The following OSBPL7 variants were observed in gnomAD, a reference collection of about 807,000 sequenced individuals.
OSBPL7 encodes oxysterol-binding protein-related protein 7.
In OSBPL7, 66 loss-of-function variants were observed where a neutral mutation model predicts 115.8. That is an observed-to-expected ratio of 0.57 (90% confidence interval 0.47 to 0.70). The LOEUF is 0.70. OSBPL7 is among the 30% of genes least tolerant of loss of function. The pLI, the probability that OSBPL7 is intolerant of heterozygous loss-of-function variation, is 0.00. For missense variants in OSBPL7, 902 were observed against 1,125.5 expected (o/e 0.80, Z 2.84); for synonymous variants, 441 against 439.2 (o/e 1.00, Z -0.05).
chr17:47,813,729 T>C lies in OSBPL7; in HGVS notation c.1457A>G (p.Asn486Ser). 6.2e-7 allele frequency: 1 copy of C among 1,613,472 alleles called. No individual in the cohort carries two copies. The highest frequency in any genetic ancestry group is 8.5e-7 in the Non-Finnish European group (1 of 1,179,988). The stretch of plus-strand genomic sequence containing the variant: ...CACCTTGGACAGGTCTTTGCCGATG[T>C]TGTTGCGCAGAATGTTCCACAGGCT... ...DVSLWNILRN[N>S]IGKDLSKVSM... The change falls in exon 15 of 23, where the codon AAC becomes AGC. Residue 486 changes from asparagine (N) to serine (S), a missense_variant. Physicochemically the swap from Asn to Ser is conservative, Grantham distance 46. Around this residue, in one of 3 missense-constraint regions of OSBPL7, gnomAD observed 667 missense variants for 788.7 expected, o/e 0.85. Transcript: ENST00000007414.
chr17:47,809,742 C>T (rs2032977203), intron 18 of OSBPL7, among the ~76,000 whole-genome samples: 1 of 152,198 alleles, frequency 6.6e-6, no homozygotes, highest in South Asian at 2.1e-4. Context: ...TGTCCTGCCC[C>T]TGGGCACCAG....
Position 47,821,717 on chromosome 17 carries a change from T to TGAGTCACCGTCTCC in OSBPL7, c.-153_-140dup. ...CTTGGCCCTTGCGCCGCTCTGCCTC[T>TGAGTCACCGTCTCC]GAGTCACCGTCTCCGAGTCACCGGC... On this transcript the variant is annotated 5_prime_UTR_variant, in exon 1 of 23. Transcript: ENST00000007414. 6.6e-6 allele frequency: 1 copy of TGAGTCACCGTCTCC among 152,486 alleles called. No individual in the cohort carries two copies. Among genetic ancestry groups the TGAGTCACCGTCTCC allele is most frequent in the South Asian group, 2.1e-4 (1 of 4,830 alleles). 9.4% of individuals were successfully genotyped at this position (152,486 alleles called of 1,614,324 possible).
chr17:47,810,036 A>G (rs1039243143), intron 18 of OSBPL7, among the ~76,000 whole-genome samples: 2 of 151,176 alleles, frequency 1.3e-5, no homozygotes, highest in Admixed American at 6.6e-5. Context: ...CTCCTGCCTC[A>G]GCCTCCCCAG....
Position 47,818,250 on chromosome 17 carries a change from T to C in OSBPL7, c.598+19A>G. 6.2e-7 allele frequency: 1 copy of C among 1,600,618 alleles called. No homozygotes were observed. The highest frequency in any genetic ancestry group is 8.5e-7 in the Non-Finnish European group (1 of 1,171,198). ...GCTTGGGGCCTACCCTTGGAGGTGC[T>C]GCGCCTAGGGCCCCTCACCATGAGA... On this transcript the variant is annotated intron_variant, in intron 7 of 22. Transcript: ENST00000007414.
At chr17:47,817,235 G>C (rs750617488) in intron 8 of OSBPL7, 21 bp downstream of exon 8, 5 of 1,562,956 alleles carry the variant, frequency 3.2e-6, no homozygotes, top group Admixed American at 2.1e-5. Flanking sequence ...GCAGGACCCT[G>C]TGTGTACCCC....
At chr17:47,815,114 G>GA in intron 13 of OSBPL7, 101 bp downstream of exon 13, 1 of 1,443,502 alleles carries the variant, frequency 6.9e-7, no homozygotes, top group Non-Finnish European at 9.3e-7. Context: ...AGCTGAGGTG[G>GA]TGAGAAGGGG....
Position 47,820,069 on chromosome 17 carries a change from C to T in OSBPL7, c.103G>A (p.Glu35Lys), listed in dbSNP as rs1598028083. 6.2e-7 allele frequency: 1 copy of T among 1,612,686 alleles called. No homozygotes were observed. The highest frequency in any genetic ancestry group is 1.3e-5 in the African/African-American group (1 of 75,006). ...QASELWEVVEEPRVRLGTEGV... is the reference protein window; with the variant it reads ...QASELWEVVEKPRVRLGTEGV... ...TCTGTCCCCAGCCTGACCCGAGGCT[C>T]CTCCACCACCTCCCACAGCTCAGAG... Residue 35 changes from glutamate to lysine, a missense_variant, in exon 3 of 23, where the codon GAG (glutamate) becomes AAG (lysine). Transcript: ENST00000007414.
intron 18 of OSBPL7, among the ~76,000 whole-genome samples, chr17:47,809,796 C>A (rs1191542224): frequency 6.6e-6 from 1 of 152,202 alleles, no homozygotes; most frequent in Non-Finnish European, 1.5e-5. Context: ...TTAATCCTCA[C>A]CTCTCTTGGG....
chr17:47,819,443 G>A (rs914745942), intron 4 of OSBPL7: 1 of 576,602 alleles, frequency 1.7e-6, no homozygotes, highest in Admixed American at 3.1e-5. Context: ...ACCAGGATGA[G>A]GGTGGTAAAG....
chr17:47,818,996 T>C lies in OSBPL7; in HGVS notation c.359A>G (p.Tyr120Cys), dbSNP rs144275555. Residue 120 changes from tyrosine to cysteine, a missense_variant, in exon 5 of 23, where the codon TAC becomes TGC. Around this residue, in one of 3 missense-constraint regions of OSBPL7, gnomAD observed 667 missense variants for 788.7 expected, o/e 0.85. Coordinates refer to ENST00000007414, the MANE Select transcript of OSBPL7 (RefSeq NM_145798.3). Reference protein sequence around the residue: ...RIDLDTEDNIYHLKIKSQDLF... With the variant: ...RIDLDTEDNICHLKIKSQDLF... ...TCCCAGGGATGTCACCTTGAGGTGG[T>C]AGATGTTGTCTTCAGTGTCAAGGTC... 184 of 1,613,796 alleles carry C rather than the reference T, an allele frequency of 1.1e-4. No homozygotes were observed. The highest frequency in any genetic ancestry group is 1.5e-4 in the Non-Finnish European group (174 of 1,179,806).
intron 18 of OSBPL7, 126 bp from the exon 19 acceptor site, chr17:47,809,604 T>G (rs1044267611): frequency 1.9e-6 from 2 of 1,063,826 alleles, no homozygotes; most frequent in African/African-American, 3.2e-5. Flanking sequence ...CCAACTCCAG[T>G]TCTGCAGTGA....
intron 13 of OSBPL7, chr17:47,814,819 C>G (rs377663771): frequency 4.9e-5 from 29 of 593,606 alleles, no homozygotes; most frequent in African/African-American, 1.7e-4. Flanking sequence ...AGGGGAGGGC[C>G]GGGCCCTGTG....
At chr17:47,815,067 C>T in intron 13 of OSBPL7, 148 bp downstream of exon 13, 3 of 1,114,582 alleles carry the variant, frequency 2.7e-6, no homozygotes, top group South Asian at 3.3e-5. Flanking sequence ...CTGGGCCACA[C>T]AAACTCAGCT....
At chr17:47,814,147 C>T (rs1456586315) in intron 14 of OSBPL7, among the ~76,000 whole-genome samples, 1 of 152,216 alleles carries the variant, frequency 6.6e-6, no homozygotes, top group Non-Finnish European at 1.5e-5. Context: ...AACACAGAAA[C>T]AGAGGTCAGG....
rs762550055 is a variant in OSBPL7, at chr17:47,813,298, G to A, written c.1705C>T (p.Pro569Ser). Residue 569 changes from proline (P) to serine (S), a missense_variant, in exon 16 of 23, where the codon CCT becomes TCT. Pro to Ser is a moderately conservative substitution (Grantham distance 74). Transcript: ENST00000007414. The part of the protein sequence containing the change: ...VLGETYECER[P>S]DRGFRFISEQ... ...CTGATGAAGCGGAAGCCTCGGTCAG[G>A]CCGCTCACACTCGTAGGTCTCCCCC... The A allele has an allele frequency of 7.4e-6, 12 of 1,613,946 alleles. No individual in the cohort carries two copies. The highest frequency in any genetic ancestry group is 1.7e-5 in the Admixed American group (1 of 60,004).
rs541759570 is a variant in OSBPL7, at chr17:47,815,989, G to A, written c.1119+118C>T. The stretch of plus-strand genomic sequence containing the variant: ...CTTATGGGAAAGACAATGGAGCCAG[G>A]ATTTTTGGGCTGTCTTTGGGACTAA... On this transcript the variant is annotated intron_variant, in intron 12 of 22. Coordinates refer to ENST00000007414, the MANE Select transcript of OSBPL7 (RefSeq NM_145798.3). 3 of 780,678 alleles carry A rather than the reference G, an allele frequency of 3.8e-6. No individual in the cohort carries two copies. In the African/African-American group the frequency reaches 5.3e-5, roughly 14 times the overall value. The allele number at this position is 780,678 out of a possible 1,614,324, so 48.4% of individuals were successfully genotyped here.
At chr17:47,811,781 C>T (rs1408903216) in intron 16 of OSBPL7, among the ~76,000 whole-genome samples, 1 of 152,236 alleles carries the variant, frequency 6.6e-6, no homozygotes, top group African/African-American at 2.4e-5. Context: ...TCTGCACCTT[C>T]AGTCTTTCCC....
intron 1 of OSBPL7, among the ~76,000 whole-genome samples, chr17:47,821,309 G>A (rs1384657259): frequency 6.6e-6 from 1 of 152,224 alleles, no homozygotes; most frequent in Admixed American, 6.5e-5. Flanking sequence ...AAGCACCTGA[G>A]GAACTGAGGC....
chr17:47,812,342 G>A (rs908342804), intron 16 of OSBPL7, among the ~76,000 whole-genome samples: 8 of 152,106 alleles, frequency 5.3e-5, no homozygotes, highest in Admixed American at 3.3e-4. Context: ...CAGTCCTCCC[G>A]AGGGCAGTCC....
Sources: allele counts gnomAD v4.1 joint callset (sites outside exome capture counted in the v4.1 genomes callset), GRCh38; gene constraint gnomAD v4.1.1; regional missense constraint gnomAD v4.1.1; transcripts MANE v1.5; gene names NCBI Gene and HGNC (gene_info 2026-07-23, HGNC 2026-07-21).